Variants in MRPS22 observed in about 807,000 individuals in gnomAD.
MRPS22 encodes the protein small ribosomal subunit protein mS22.
MRPS22 carries 30 observed loss-of-function variants against 44.0 expected under a neutral mutation model. The observed-to-expected ratio is 0.68, with a 90% CI of 0.51 to 0.93. The LOEUF (loss-of-function observed/expected upper bound fraction) is 0.93. Ranked by LOEUF, MRPS22 falls within the 40% of genes least tolerant of loss-of-function variation. MRPS22 has a pLI of 0.00. For missense variants in MRPS22, 447 were observed against 447.8 expected (o/e 1.00, Z 0.02); for synonymous variants, 165 against 154.4 (o/e 1.07, Z -0.51).
chr3:139,346,244 C>T (rs968253190), intron 1 of MRPS22, among the ~76,000 whole-genome samples: 4 of 152,120 alleles, frequency 2.6e-5, no homozygotes, highest in African/African-American at 7.2e-5. Flanking sequence ...GCTCTTGGGA[C>T]GCTTTCTTTG....
chr3:139,345,816 T>C (rs770258374), intron 1 of MRPS22, among the ~76,000 whole-genome samples: 1 of 151,618 alleles, frequency 6.6e-6, no homozygotes, highest in Non-Finnish European at 1.5e-5. Context: ...ATGAGAGAGG[T>C]TGAGTAATTG....
At position 139,350,337 on chromosome 3, in the gene MRPS22, GT is replaced by G. The variant is rs773240427; in HGVS notation, c.648+19del. ...AAAATCTTAGGGTAAGGTGACTTAG[GT>G]TTTATGTTTTAGAGCCAGTGGTGAT... On this transcript the variant is annotated intron_variant, in intron 4 of 7. Transcript: ENST00000680020. The G allele has an allele frequency of 5.0e-5, 81 of 1,612,976 alleles. No homozygotes were observed. The African/African-American group carries it at 5.9e-4, about 12-fold the overall frequency.
intron 3 of MRPS22, chr3:139,349,241 T>C (rs994364732): frequency 1.6e-5 from 7 of 433,298 alleles, no homozygotes; most frequent in Non-Finnish European, 2.7e-5. Context: ...GAAAGGAACT[T>C]GGAATTCAGG....
intron 7 of MRPS22, among the ~76,000 whole-genome samples, chr3:139,356,670 T>C (rs143889890): frequency 1.9e-3 from 294 of 152,358 alleles, no homozygotes; most frequent in Admixed American, 3.5e-3. Context: ...ATTAATACAA[T>C]GTCAGGGTCT....
chr3:139,356,841 AATG>A (rs1378212912), intron 7 of MRPS22, 75 bp from the exon 8 acceptor site: 24 of 1,029,900 alleles, frequency 2.3e-5, no homozygotes, highest in Non-Finnish European at 3.4e-5. Flanking sequence ...CAGAAATGCT[AATG>A]ATGTCTTAAA....
intron 3 of MRPS22, chr3:139,349,518 C>T (rs1941107877): frequency 4.4e-6 from 1 of 225,248 alleles, no homozygotes; most frequent in Middle Eastern, 1.7e-3. Context: ...CATTTCCTGC[C>T]CTTTTCCAGT....
Position 139,350,444 on chromosome 3 carries a change from T to G in MRPS22, c.648+122T>G, listed in dbSNP as rs1941124349. 4 of 1,144,416 alleles carry G rather than the reference T, an allele frequency of 3.5e-6. No homozygotes were observed. In the Admixed American group the frequency reaches 8.3e-5, roughly 24 times the overall value. The allele number at this position is 1,144,416 out of a possible 1,614,324, so 70.9% of individuals were successfully genotyped here. On this transcript the variant is annotated intron_variant, in intron 4 of 7. Coordinates refer to ENST00000680020, the MANE Select transcript of MRPS22 (RefSeq NM_020191.4). ...TGATAACTTGACTTTTTTTTTTTTT[T>G]GAAATGGAGTTTCGCTCCTTTTGCC...
At chr3:139,345,484 T>G (rs1461872665) in intron 1 of MRPS22, among the ~76,000 whole-genome samples, 1 of 148,038 alleles carries the variant, frequency 6.8e-6, no homozygotes, top group Non-Finnish European at 1.5e-5. Context: ...TGGGATAATC[T>G]TCGTGTTTAC....
intron 6 of MRPS22, 127 bp from the exon 7 acceptor site, chr3:139,355,555 T>C: frequency 3.7e-6 from 3 of 818,496 alleles, no homozygotes; most frequent in Non-Finnish European, 6.2e-6. Flanking sequence ...CTGAAGGTCC[T>C]TCCCCAATCC....
At chr3:139,356,780 G>GA (rs367629758) in intron 7 of MRPS22, 139 bp from the exon 8 acceptor site, 5 of 648,670 alleles carry the variant, frequency 7.7e-6, no homozygotes, top group Non-Finnish European at 1.1e-5. Flanking sequence ...ATAATCGGGG[G>GA]AAAAATTGTG....
chr3:139,347,599 A>G lies in MRPS22; in HGVS notation c.339+555A>G, dbSNP rs34617533. Among the ~76,000 whole-genome samples the G allele has an allele frequency of 8.6e-4, 131 of 152,314 alleles. 3 individuals are homozygous for G. In the South Asian group the frequency reaches 0.015, roughly 17 times the overall value. On this transcript the variant is annotated intron_variant, in intron 2 of 7. Transcript: ENST00000680020. Reference sequence around the variant, plus strand: ...ATGAAGAGTAAAAGTCCATCTTTTCACCTCCTAGAGGTAACTGCTTTTAAC... The same window carrying G: ...ATGAAGAGTAAAAGTCCATCTTTTCGCCTCCTAGAGGTAACTGCTTTTAAC...
chr3:139,346,846 G>A (rs201330525), intron 1 of MRPS22, 32 bp from the exon 2 acceptor site: 1 of 1,612,860 alleles, frequency 6.2e-7, no homozygotes, highest in East Asian at 2.2e-5. Context: ...TGTCATTTTT[G>A]TCAGCTTCTT....
chr3:139,344,048 G>A lies in MRPS22; in HGVS notation c.22G>A (p.Val8Ile). 1.2e-6 allele frequency: 2 copies of A among 1,614,196 alleles called. No individual in the cohort carries two copies. The highest frequency in any genetic ancestry group is 1.7e-6 in the Non-Finnish European group (2 of 1,180,032). The change falls in exon 1 of 8, where the codon GTA becomes ATA. Residue 8 changes from valine to isoleucine, a missense_variant. Transcript: ENST00000680020. MAPLGTT[V>I]LLWSLLRSSP... is the part of the protein sequence containing the mutation. ...AATCATGGCGCCCCTCGGAACAACTGTATTGCTGTGGAGCCTCTTGAGGAG... is the reference window on the plus strand; with the variant it reads ...AATCATGGCGCCCCTCGGAACAACTATATTGCTGTGGAGCCTCTTGAGGAG...
intron 6 of MRPS22, 35 bp from the exon 7 acceptor site, chr3:139,355,647 A>G (rs1379410075): frequency 1.3e-6 from 2 of 1,522,582 alleles, no homozygotes. Flanking sequence ...AAATGAAGAA[A>G]ACCCCTAGAT....
At chr3:139,348,520 TCAG>T (rs1365323390) in intron 3 of MRPS22, 196 bp downstream of exon 3, 2 of 612,294 alleles carry the variant, frequency 3.3e-6, no homozygotes, top group African/African-American at 3.7e-5. Context: ...TTACCATTTC[TCAG>T]CAGATAATAG....
At chr3:139,352,832 G>C (rs1286363151) in intron 6 of MRPS22, 40 bp downstream of exon 6, 12 of 1,593,232 alleles carry the variant, frequency 7.5e-6, no homozygotes, top group Non-Finnish European at 1.0e-5. Context: ...CATTCTTATT[G>C]CTCTAACAGT....
At chr3:139,351,108 G>A (rs1240637351) in intron 5 of MRPS22, 48 bp downstream of exon 5, 2 of 1,400,932 alleles carry the variant, frequency 1.4e-6, no homozygotes, top group Admixed American at 3.3e-5. Flanking sequence ...ATGGTTATGA[G>A]TAAGATTTTT....
At chr3:139,346,825 T>G in intron 1 of MRPS22, 53 bp from the exon 2 acceptor site, 1 of 1,591,602 alleles carries the variant, frequency 6.3e-7, no homozygotes, top group East Asian at 2.2e-5. Flanking sequence ...TATTTAGAGG[T>G]CTTGTTAGCT....
intron 4 of MRPS22, chr3:139,350,702 C>T (rs1941133415): frequency 6.4e-6 from 3 of 465,568 alleles, no homozygotes; most frequent in Admixed American, 3.4e-5. Context: ...TCCCAAAGTG[C>T]TGGGATTACA....
Sources: gnomAD v4.1 joint callset for allele counts (sites outside exome capture counted in the v4.1 genomes callset) on GRCh38, gnomAD v4.1.1 for gene constraint, MANE v1.5 for transcripts, NCBI Gene and HGNC (gene_info 2026-07-23, HGNC 2026-07-21) for gene names.